SOX5: variants seen among roughly 807,000 people sequenced by gnomAD.
SOX5 encodes SRY-box transcription factor 5, also known as transcription factor SOX-5.
A neutral mutation model predicts 92.0 loss-of-function variants in SOX5; 9 were observed. That is an observed-to-expected ratio of 0.10 (90% confidence interval 0.06 to 0.17). The LOEUF (loss-of-function observed/expected upper bound fraction) is 0.17. SOX5 is among the 10% of genes least tolerant of loss of function. The pLI, the probability that SOX5 is intolerant of heterozygous loss-of-function variation, is 1.00. For synonymous variants in SOX5, 344 were observed against 336.3 expected, an observed-to-expected ratio of 1.02 and a Z score of -0.25; for missense variants, 642 against 944.5, an observed-to-expected ratio of 0.68 and a Z score of 4.20.
intron 4 of SOX5, among the ~76,000 whole-genome samples, chr12:24,016,244 A>T (rs2136609571): frequency 6.6e-6 from 1 of 152,312 alleles, no homozygotes; most frequent in African/African-American, 2.4e-5. Context: ...AATCCAAATA[A>T]TAAAACAGAA....
Position 24,479,789 on chromosome 12 carries a change from C to T in SOX5, c.-251+82540G>A, listed in dbSNP as rs146532341. Reference sequence around the variant, plus strand: ...CAAGCAATTTTCCTGCCTCAGCCTCCCAAGTAGCGGGGACTGCAGGCGCCC... The same window carrying T: ...CAAGCAATTTTCCTGCCTCAGCCTCTCAAGTAGCGGGGACTGCAGGCGCCC... On this transcript the variant is annotated intron_variant, in intron 1 of 4. Coordinates refer to the SOX5 transcript ENST00000446891. 2.2e-3 allele frequency among the ~76,000 whole-genome samples: 335 copies of T among 152,102 alleles called. 4 individuals are homozygous for T. Among genetic ancestry groups the T allele is most frequent in the Admixed American group, 0.013 (191 of 15,276 alleles).
intron 4 of SOX5, among the ~76,000 whole-genome samples, chr12:24,128,503 A>T (rs1949329045): frequency 6.6e-6 from 1 of 152,218 alleles, no homozygotes; most frequent in Non-Finnish European, 1.5e-5. Context: ...AGGGTAGCAA[A>T]AAAAGACCTC....
At chr12:24,452,896 G>A (rs1942515730) in intron 1 of SOX5, among the ~76,000 whole-genome samples, 1 of 152,108 alleles carries the variant, frequency 6.6e-6, no homozygotes, top group African/African-American at 2.4e-5. Context: ...AACATTCAGG[G>A]AATATAAGGT....
At chr12:23,957,537 T>C (rs1263566507) in intron 4 of SOX5, among the ~76,000 whole-genome samples, 2 of 152,172 alleles carry the variant, frequency 1.3e-5, no homozygotes, top group Non-Finnish European at 2.9e-5. Flanking sequence ...TTTCAAAATA[T>C]CAAATGACAA....
intron 4 of SOX5, among the ~76,000 whole-genome samples, chr12:24,172,478 G>A (rs1033862173): frequency 3.9e-5 from 6 of 152,128 alleles, no homozygotes; most frequent in Non-Finnish European, 8.8e-5. Context: ...AGTCGAGGCT[G>A]CAGTGAGCTG....
At chr12:24,189,854 T>C (rs941186809) in intron 4 of SOX5, among the ~76,000 whole-genome samples, 1 of 152,188 alleles carries the variant, frequency 6.6e-6, no homozygotes, top group Non-Finnish European at 1.5e-5. Flanking sequence ...TGAGGACATA[T>C]TGAGACAAGT....
chr12:24,504,900 A>G (rs1948572223), intron 1 of SOX5, among the ~76,000 whole-genome samples: 1 of 152,162 alleles, frequency 6.6e-6, no homozygotes, highest in African/African-American at 2.4e-5. Context: ...TTCATGCCGC[A>G]TTGAAGATGA....
chr12:23,661,804 G>A (rs963588127), intron 7 of SOX5, among the ~76,000 whole-genome samples: 1 of 152,078 alleles, frequency 6.6e-6, no homozygotes, highest in African/African-American at 2.4e-5. Flanking sequence ...TGTATACCCA[G>A]TTATTTTATT....
chr12:24,170,703 T>C (rs1441862756), intron 4 of SOX5, among the ~76,000 whole-genome samples: 1 of 152,216 alleles, frequency 6.6e-6, no homozygotes, highest in Non-Finnish European at 1.5e-5. Context: ...TCAAGCGCAT[T>C]ATGAATACAT....
At chr12:23,831,211 G>A (rs1219126259) in intron 3 of SOX5, among the ~76,000 whole-genome samples, 2 of 152,024 alleles carry the variant, frequency 1.3e-5, no homozygotes, top group Non-Finnish European at 1.5e-5. Flanking sequence ...ATCAATTAAA[G>A]TGAATTATTT....
chr12:24,313,763 C>A (rs1437540465), intron 2 of SOX5, among the ~76,000 whole-genome samples: 1 of 152,220 alleles, frequency 6.6e-6, no homozygotes, highest in Non-Finnish European at 1.5e-5. Context: ...ACACTCACTT[C>A]CTTACTCATG....
intron 1 of SOX5, among the ~76,000 whole-genome samples, chr12:24,541,939 T>C (rs1445647384): frequency 6.6e-6 from 1 of 152,216 alleles, no homozygotes; most frequent in Non-Finnish European, 1.5e-5. Context: ...GTACAGTGAA[T>C]AGTTTTCAGA....
intron 6 of SOX5, among the ~76,000 whole-genome samples, chr12:23,717,072 C>T (rs1348619297): frequency 6.6e-6 from 1 of 152,140 alleles, no homozygotes; most frequent in Non-Finnish European, 1.5e-5. Flanking sequence ...GAGGTAGCTA[C>T]CATTACAGAC....
At chr12:23,724,519 G>A (rs1333971168) in intron 6 of SOX5, among the ~76,000 whole-genome samples, 1 of 152,088 alleles carries the variant, frequency 6.6e-6, no homozygotes, top group Non-Finnish European at 1.5e-5. Flanking sequence ...TTCAAAGGTA[G>A]TATACTAAAT....
At chr12:24,222,894 T>C (rs1000655921) in intron 3 of SOX5, among the ~76,000 whole-genome samples, 13 of 152,176 alleles carry the variant, frequency 8.5e-5, no homozygotes, top group African/African-American at 3.1e-4. Flanking sequence ...TGTGCCCATA[T>C]TGCTTGGAAT....
chr12:23,821,058 A>AT (rs2096104112), intron 3 of SOX5, among the ~76,000 whole-genome samples: 1 of 152,202 alleles, frequency 6.6e-6, no homozygotes. Flanking sequence ...ATCCATGAGC[A>AT]TGGAATGTTT....
At chr12:23,864,798 C>T (rs2096793703) in intron 2 of SOX5, among the ~76,000 whole-genome samples, 1 of 152,124 alleles carries the variant, frequency 6.6e-6, no homozygotes, top group South Asian at 2.1e-4. Context: ...GCAGAATGTG[C>T]AGATATATAG....
chr12:24,203,892 T>G (rs1565649522), intron 4 of SOX5, among the ~76,000 whole-genome samples: 1 of 152,236 alleles, frequency 6.6e-6, no homozygotes. Flanking sequence ...TTTTTTAATA[T>G]TTCATGTGGG....
At chr12:24,426,037 T>TA (rs1226151330) in intron 1 of SOX5, among the ~76,000 whole-genome samples, 1 of 151,958 alleles carries the variant, frequency 6.6e-6, no homozygotes, top group Admixed American at 6.6e-5. Context: ...GAGCAATAAT[T>TA]AAAGTCATCA....
Sources: allele counts gnomAD v4.1 joint callset (sites outside exome capture counted in the v4.1 genomes callset), GRCh38; gene constraint gnomAD v4.1.1; transcripts MANE v1.5; gene names NCBI Gene and HGNC (gene_info 2026-07-23, HGNC 2026-07-21).